TMSB15B: variants seen among roughly 807,000 people sequenced by gnomAD.
TMSB15B encodes thymosin beta 15B, also known as thymosin beta-15B.
intron 1 of TMSB15B, chrX:103,928,039 T>A (rs1372594563): frequency 1.4e-6 from 1 of 718,564 alleles, no homozygotes; most frequent in Non-Finnish European, 2.0e-6. Flanking sequence ...TTGGTCGCTC[T>A]AATCTCTTTT....
chrX:103,955,169 T>C (rs1212656609), intron 1 of TMSB15B, among the ~76,000 whole-genome samples: 6 of 110,878 alleles, frequency 5.4e-5, no homozygotes, highest in African/African-American at 2.0e-4. Context: ...ACCTCAAAAG[T>C]TGAAGGTAGG....
intron 1 of TMSB15B, among the ~76,000 whole-genome samples, chrX:103,945,688 T>C (rs1324164318): frequency 3.6e-5 from 4 of 112,290 alleles, no homozygotes; most frequent in African/African-American, 1.3e-4. Flanking sequence ...AATTAAATGT[T>C]TCCTTGGGAG....
At chrX:103,935,869 G>A (rs1318681319) in intron 1 of TMSB15B, among the ~76,000 whole-genome samples, 2 of 78,525 alleles carry the variant, frequency 2.5e-5, no homozygotes, top group Non-Finnish European at 4.7e-5. Context: ...TTTTTGAGAT[G>A]GAGTTTCACT....
intron 1 of TMSB15B, among the ~76,000 whole-genome samples, chrX:103,930,439 G>C (rs781811707): frequency 9.0e-6 from 1 of 111,014 alleles, no homozygotes; most frequent in Non-Finnish European, 1.9e-5. Context: ...ATGTGACCCT[G>C]TGTTCTTGTA....
intron 1 of TMSB15B, among the ~76,000 whole-genome samples, chrX:103,936,456 A>G (rs2074998215): frequency 9.0e-6 from 1 of 111,070 alleles, no homozygotes; most frequent in African/African-American, 3.3e-5. Flanking sequence ...TCTGTCTATT[A>G]TTTGTGTGTA....
At chrX:103,919,409 A>G (rs2074944594) in intron 1 of TMSB15B, 1 of 112,391 alleles carries the variant, frequency 8.9e-6, no homozygotes, top group Admixed American at 9.4e-5. Context: ...CCAAGTGAAC[A>G]ATGAGAGTTC....
chrX:103,925,954 G>A (rs1406867722), intron 1 of TMSB15B, among the ~76,000 whole-genome samples: 2 of 111,825 alleles, frequency 1.8e-5, no homozygotes, highest in Non-Finnish European at 3.8e-5. Flanking sequence ...GCTGAGGACT[G>A]TTGGGGGCTC....
intron 1 of TMSB15B, among the ~76,000 whole-genome samples, chrX:103,934,693 T>G (rs782081573): frequency 6.4e-4 from 72 of 111,949 alleles, no homozygotes; most frequent in African/African-American, 2.3e-3. Context: ...TGGCTGCATA[T>G]TATTCCATGG....
At chrX:103,954,066 ACT>A (rs2075045459) in intron 1 of TMSB15B, among the ~76,000 whole-genome samples, 2 of 111,826 alleles carry the variant, frequency 1.8e-5, no homozygotes. Flanking sequence ...GCTATTGCTG[ACT>A]CACATTTCTC....
chrX:103,939,180 C>T (rs1308223211), intron 1 of TMSB15B, among the ~76,000 whole-genome samples: 5 of 111,084 alleles, frequency 4.5e-5, no homozygotes, highest in African/African-American at 1.6e-4. Flanking sequence ...CTTTCTATTT[C>T]CTGAATTTGA....
intron 1 of TMSB15B, among the ~76,000 whole-genome samples, chrX:103,946,835 C>A (rs2075026916): frequency 9.0e-6 from 1 of 111,192 alleles, no homozygotes; most frequent in African/African-American, 3.3e-5. Context: ...ATTTCCTAAA[C>A]AAAATCCAAA....
At chrX:103,933,339 A>G (rs1404548397) in intron 1 of TMSB15B, among the ~76,000 whole-genome samples, 6 of 110,921 alleles carry the variant, frequency 5.4e-5, no homozygotes, top group Non-Finnish European at 9.4e-5. Flanking sequence ...CTCCCTCATC[A>G]TTTCCAACTA....
intron 1 of TMSB15B, among the ~76,000 whole-genome samples, chrX:103,927,692 G>A (rs2147817483): frequency 9.7e-6 from 1 of 102,654 alleles, no homozygotes; most frequent in South Asian, 4.5e-4. Context: ...AAACAGAATA[G>A]CAACTTATTA....
At chrX:103,922,083 CTCT>C (rs1205727514) in intron 1 of TMSB15B, among the ~76,000 whole-genome samples, 1 of 109,178 alleles carries the variant, frequency 9.2e-6, no homozygotes, top group East Asian at 2.9e-4. Flanking sequence ...CTCTCTCTCT[CTCT>C]TTTTTTTTTT....
chrX:103,945,686 G>A (rs1353660802), intron 1 of TMSB15B, among the ~76,000 whole-genome samples: 2 of 112,070 alleles, frequency 1.8e-5, no homozygotes, highest in Non-Finnish European at 3.8e-5. Context: ...TGAATTAAAT[G>A]TTTCCTTGGG....
chrX:103,927,216 G>T (rs2074970808), intron 1 of TMSB15B, among the ~76,000 whole-genome samples: 2 of 111,125 alleles, frequency 1.8e-5, no homozygotes, highest in African/African-American at 3.3e-5. Context: ...GTTTGGCAAG[G>T]TCTCAAGATA....
intron 1 of TMSB15B, among the ~76,000 whole-genome samples, chrX:103,922,556 A>T (rs1479267910): frequency 1.8e-5 from 2 of 110,851 alleles, no homozygotes; most frequent in African/African-American, 6.6e-5. Flanking sequence ...TTATGGCTTC[A>T]TACTATTCCA....
chrX:103,919,298 T>C (rs1451569567), intron 1 of TMSB15B: 5 of 112,217 alleles, frequency 4.5e-5, no homozygotes, highest in Admixed American at 3.8e-4. Flanking sequence ...CATCTGTGAG[T>C]TTGCTGCTAC....
At chrX:103,920,005 A>G (rs191469053) in intron 1 of TMSB15B, among the ~76,000 whole-genome samples, 85 of 111,958 alleles carry the variant, frequency 7.6e-4, no homozygotes, top group South Asian at 1.9e-3. Context: ...GGGAAGATGA[A>G]GGCAACCTTT....
Sources: allele counts gnomAD v4.1 joint callset (sites outside exome capture counted in the v4.1 genomes callset), GRCh38; gene constraint gnomAD v4.1.1; transcripts MANE v1.5; gene names NCBI Gene and HGNC (gene_info 2026-07-23, HGNC 2026-07-21).